AOPEP: variants seen among roughly 807,000 people sequenced by gnomAD.
AOPEP encodes aminopeptidase O (putative).
In AOPEP, 77 loss-of-function variants were observed where a neutral mutation model predicts 98.1. That is an observed-to-expected ratio of 0.78 (90% CI 0.65 to 0.95). AOPEP has a LOEUF of 0.95. Ranked by LOEUF, AOPEP falls within the 40% of genes least tolerant of loss-of-function variation. The pLI is 0.00. For synonymous variants in AOPEP, 346 were observed against 365.3 expected, an observed-to-expected ratio of 0.95 and a Z score of 0.60; for missense variants, 1,024 against 1,024.7, an observed-to-expected ratio of 1.00 and a Z score of 0.01.
intron 5 of AOPEP, among the ~76,000 whole-genome samples, chr9:94,914,523 CGTGTGTGTGTGTGTGTGT>C (rs67826706): frequency 1.7e-4 from 24 of 143,704 alleles, no homozygotes; most frequent in Non-Finnish European, 2.4e-4. Flanking sequence ...TGGCATTAGA[CGTGTGTGTGTGTGTGTGT>C]GTGTGTGTGT....
At chr9:94,888,772 T>TA (rs1302393524) in intron 5 of AOPEP, among the ~76,000 whole-genome samples, 1 of 152,040 alleles carries the variant, frequency 6.6e-6, no homozygotes, top group Non-Finnish European at 1.5e-5. Flanking sequence ...TGGACATGAG[T>TA]AAAGGGACTA....
intron 14 of AOPEP, among the ~76,000 whole-genome samples, chr9:95,074,142 C>T (rs2068801188): frequency 6.6e-6 from 1 of 152,176 alleles, no homozygotes; most frequent in Non-Finnish European, 1.5e-5. Context: ...CTTCCACGTG[C>T]TTTTTGGATA....
chr9:94,806,672 T>C (rs1265485002), intron 5 of AOPEP, among the ~76,000 whole-genome samples: 2 of 152,232 alleles, frequency 1.3e-5, no homozygotes, highest in African/African-American at 4.8e-5. Flanking sequence ...GTAGGGGCTT[T>C]CCCCTTCTAA....
chr9:94,728,253 A>G (rs886157538), intron 1 of AOPEP, among the ~76,000 whole-genome samples: 2 of 151,514 alleles, frequency 1.3e-5, no homozygotes, highest in Admixed American at 6.6e-5. Context: ...ACACACACAC[A>G]CACACACACA....
At chr9:94,774,270 C>T (rs1244539804) in intron 3 of AOPEP, among the ~76,000 whole-genome samples, 1 of 141,292 alleles carries the variant, frequency 7.1e-6, no homozygotes, top group African/African-American at 2.7e-5. Context: ...TGAGATGGCG[C>T]CACTGCACTC....
chr9:94,967,382 A>G (rs951993062), intron 9 of AOPEP, among the ~76,000 whole-genome samples: 4 of 152,186 alleles, frequency 2.6e-5, no homozygotes, highest in African/African-American at 9.7e-5. Context: ...CCTAGACTCT[A>G]GGAGTACAGG....
At chr9:94,936,657 G>A (rs2056319944) in intron 7 of AOPEP, among the ~76,000 whole-genome samples, 1 of 152,174 alleles carries the variant, frequency 6.6e-6, no homozygotes. Context: ...CTCTAATTCA[G>A]TTTAATTCTG....
At chr9:94,830,512 G>A (rs1389793042) in intron 5 of AOPEP, among the ~76,000 whole-genome samples, 1 of 152,182 alleles carries the variant, frequency 6.6e-6, no homozygotes, top group Non-Finnish European at 1.5e-5. Flanking sequence ...ACACATGCAT[G>A]TATCTTTATA....
intron 5 of AOPEP, chr9:94,900,498 G>C (rs976757545): frequency 6.6e-6 from 1 of 152,128 alleles, no homozygotes; most frequent in Admixed American, 6.5e-5. Flanking sequence ...AGCCTTCTGG[G>C]TATTCCTCAT....
At chr9:94,760,998 A>G (rs183668332) in intron 2 of AOPEP, among the ~76,000 whole-genome samples, 5 of 152,296 alleles carry the variant, frequency 3.3e-5, no homozygotes, top group Admixed American at 2.6e-4. Flanking sequence ...GGTTGGTGTG[A>G]AGCCTGGCAA....
the AOPEP span, among the ~76,000 whole-genome samples, chr9:95,102,488 T>G: frequency 6.6e-6 from 1 of 152,216 alleles, no homozygotes; most frequent in Admixed American, 6.5e-5. Flanking sequence ...TTTAGCTGTG[T>G]GGGGAATTTA....
chr9:94,952,061 G>C (rs1450148037), intron 7 of AOPEP, among the ~76,000 whole-genome samples: 1 of 152,192 alleles, frequency 6.6e-6, no homozygotes, highest in Non-Finnish European at 1.5e-5. Context: ...AATGAGAATG[G>C]GAGTAGACCG....
the AOPEP span, among the ~76,000 whole-genome samples, chr9:95,141,957 TA>T: frequency 6.7e-6 from 1 of 149,736 alleles, no homozygotes; most frequent in Non-Finnish European, 1.5e-5. Flanking sequence ...TCAATAATGG[TA>T]ATAGTAATAT....
intron 1 of AOPEP, among the ~76,000 whole-genome samples, chr9:94,743,319 AG>A (rs1436146741): frequency 6.6e-6 from 1 of 152,144 alleles, no homozygotes; most frequent in Non-Finnish European, 1.5e-5. Context: ...GGTGGTGGAA[AG>A]TTAGTGGTAT....
In AOPEP at chr9:94,792,938, C is replaced by G; in HGVS notation, c.1118+20C>G. 6.5e-7 allele frequency: 1 copy of G among 1,539,554 alleles called. No individual in the cohort carries two copies. Among genetic ancestry groups the G allele is most frequent in the Non-Finnish European group, 8.8e-7 (1 of 1,142,554 alleles). On this transcript the variant is annotated intron_variant, in intron 4 of 16. Transcript: ENST00000375315. ...CTTCAGGTTTGTGTTTGGGGACTTG[C>G]TGGGAAGGAAAAAAAAAAAAACACT...
intron 13 of AOPEP, among the ~76,000 whole-genome samples, chr9:95,010,993 A>G (rs906605932): frequency 3.9e-5 from 6 of 152,166 alleles, no homozygotes; most frequent in African/African-American, 1.4e-4. Flanking sequence ...CTAATAAATA[A>G]TGTATTAAAG....
intron 11 of AOPEP, among the ~76,000 whole-genome samples, chr9:94,996,391 T>TGTGTGTGTGA (rs375605056): frequency 1.3e-4 from 19 of 144,658 alleles, no homozygotes; most frequent in African/African-American, 4.7e-4. Context: ...TGTGTGTGTG[T>TGTGTGTGTGA]GAGAGAGAGA....
Position 94,792,895 on chromosome 9 carries a change from C to T in AOPEP, c.1095C>T (p.Phe365=). Residue 365 remains phenylalanine (F), a synonymous_variant, in exon 4 of 17, where the codon TTC becomes TTT. Transcript: ENST00000375315. ...ATGATTTGGCAACAGAGAGACCCTT[C>T]TCACCTTCTGAGGCCAACTTCAGGT... ...SSNDLATERP[F]SPSEANFRHV... 6.2e-7 allele frequency: 1 copy of T among 1,610,930 alleles called. No individual in the cohort carries two copies. Among genetic ancestry groups the T allele is most frequent in the South Asian group, 1.1e-5 (1 of 90,820 alleles).
chr9:95,036,702 C>CTTCTTTT lies in AOPEP; in HGVS notation c.2116-23990_2116-23989insCTTTTTT, dbSNP rs142297044. ...TTTCTTGTTCTTCTTTCTTCTTCTT[C>CTTCTTTT]TTTTTTTTTTGTGGGGAATAAAACT... is the stretch of plus-strand genomic sequence containing the variant. On this transcript the variant is annotated intron_variant, in intron 13 of 16. Transcript: ENST00000375315. Among the ~76,000 whole-genome samples the CTTCTTTT allele has an allele frequency of 1.4e-3, 192 of 135,832 alleles. 5 individuals carry two copies. The highest frequency in any genetic ancestry group is 1.9e-3 in the Non-Finnish European group (125 of 64,220). The allele number at this position is 135,832 out of a possible 152,430, so 89.1% of individuals were successfully genotyped here.
Sources: allele counts gnomAD v4.1 joint callset (sites outside exome capture counted in the v4.1 genomes callset), GRCh38; gene constraint gnomAD v4.1.1; transcripts MANE v1.5; gene names NCBI Gene and HGNC (gene_info 2026-07-23, HGNC 2026-07-21).